C10orf90: variants seen among roughly 807,000 people sequenced by gnomAD.
The protein encoded by C10orf90 is chromosome 10 open reading frame 90.
In C10orf90, 56 loss-of-function variants were observed where a neutral mutation model predicts 62.5. That is an observed-to-expected ratio of 0.90 (90% confidence interval 0.72 to 1.12). The LOEUF (loss-of-function observed/expected upper bound fraction) is 1.12. Among genes scored for constraint, C10orf90 ranks in the 50% most tolerant of loss-of-function variants. C10orf90 has a pLI of 0.00. For synonymous variants in C10orf90, 386 were observed against 340.4 expected, an observed-to-expected ratio of 1.13 and a Z score of -1.47; for missense variants, 970 against 880.4, an observed-to-expected ratio of 1.10 and a Z score of -1.29.
chr10:126,461,618 G>A (rs1564808964), intron 5 of C10orf90, 33 bp from the exon 6 acceptor site: 1 of 1,590,272 alleles, frequency 6.3e-7, no homozygotes, highest in South Asian at 1.2e-5. Flanking sequence ...CCATTTAGAG[G>A]GCACCAAGTG....
intron 2 of C10orf90, among the ~76,000 whole-genome samples, chr10:126,602,433 C>T (rs553629323): frequency 7.9e-5 from 12 of 152,206 alleles, no homozygotes; most frequent in African/African-American, 2.2e-4. Flanking sequence ...GGTAAGAAAC[C>T]CTCCAAGATG....
intron 2 of C10orf90, among the ~76,000 whole-genome samples, chr10:126,600,529 G>A (rs1331543301): frequency 6.6e-6 from 1 of 152,176 alleles, no homozygotes; most frequent in African/African-American, 2.4e-5. Flanking sequence ...CCAACTGCCT[G>A]CAGAGAGTCA....
chr10:126,649,191 C>G (rs555034624), intron 1 of C10orf90, among the ~76,000 whole-genome samples: 152 of 151,954 alleles, frequency 1.0e-3, no homozygotes, highest in African/African-American at 3.5e-3. Flanking sequence ...ACTATTGATT[C>G]AAGAATTTTC....
chr10:126,488,954 C>T (rs925596849), intron 4 of C10orf90, among the ~76,000 whole-genome samples: 1 of 152,038 alleles, frequency 6.6e-6, no homozygotes, highest in Admixed American at 6.5e-5. Flanking sequence ...CTACCAAACA[C>T]TTACAGAAGA....
chr10:126,425,737 TG>T lies in C10orf90; in HGVS notation c.*126del. On this transcript the variant is annotated 3_prime_UTR_variant, in exon 10 of 10. Coordinates refer to ENST00000488181, the MANE Select transcript of C10orf90 (RefSeq NM_001350921.2). ...ATTCAGGAAGTGATGTTTTCCTTTATGGAAAAAAAAAATCGAAAGTAAAATA... is the reference window on the plus strand; with the variant it reads ...ATTCAGGAAGTGATGTTTTCCTTTATGAAAAAAAAAATCGAAAGTAAAATA... The T allele has an allele frequency of 1.0e-6, 1 of 994,396 alleles. No homozygotes were observed. Among genetic ancestry groups the T allele is most frequent in the Non-Finnish European group, 1.4e-6 (1 of 691,406 alleles). The allele number at this position is 994,396 out of a possible 1,614,324, so 61.6% of individuals were successfully genotyped here. A position where few individuals can be genotyped will look rare whatever the true frequency, so the allele number is the denominator to read the frequency against.
intron 2 of C10orf90, among the ~76,000 whole-genome samples, chr10:126,575,932 G>A (rs1332975663): frequency 1.3e-5 from 2 of 151,956 alleles, no homozygotes; most frequent in Admixed American, 6.6e-5. Flanking sequence ...CAAAATAGAT[G>A]AAAGACCTAA....
chr10:126,437,365 A>G (rs1251313112), intron 7 of C10orf90, among the ~76,000 whole-genome samples: 1 of 152,194 alleles, frequency 6.6e-6, no homozygotes, highest in Non-Finnish European at 1.5e-5. Context: ...TACAAATGCA[A>G]ATACTCAGTT....
chr10:126,569,111 G>T (rs895689152), intron 2 of C10orf90, among the ~76,000 whole-genome samples: 1 of 152,124 alleles, frequency 6.6e-6, no homozygotes, highest in Non-Finnish European at 1.5e-5. Flanking sequence ...GGGAGAAAGA[G>T]TCTGGGAGCA....
rs144840697 is a variant in C10orf90 at position 126,503,973 on chromosome 10, G to C, written c.1518C>G (p.Gly506=). 8 of 1,611,252 alleles carry C rather than the reference G, an allele frequency of 5.0e-6. No individual in the cohort carries two copies. Among genetic ancestry groups the C allele is most frequent in the Non-Finnish European group, 6.8e-6 (8 of 1,179,084 alleles). ...ACCACTCACCTGCCCTGTAACTCCA[G>C]CCAGGAATGTGAATGGACAGTTGGT... is the stretch of plus-strand genomic sequence containing the variant. ...HANQLSIHIP[G]WSYRAVHTKV... The change falls in exon 4 of 10, where the codon GGC becomes GGG. Residue 506 remains glycine, a synonymous_variant. Transcript: ENST00000488181.
At chr10:126,538,661 T>C (rs887580249) in intron 2 of C10orf90, among the ~76,000 whole-genome samples, 2 of 152,238 alleles carry the variant, frequency 1.3e-5, no homozygotes, top group African/African-American at 2.4e-5. Context: ...ATTAACCATA[T>C]TTAACGCAGA....
At chr10:126,438,217 C>T (rs1250453869) in intron 7 of C10orf90, among the ~76,000 whole-genome samples, 1 of 152,188 alleles carries the variant, frequency 6.6e-6, no homozygotes, top group Non-Finnish European at 1.5e-5. Context: ...AACCCCAGGA[C>T]CCTCAGCCAT....
Position 126,640,740 on chromosome 10 carries a change from G to A in C10orf90, c.313+5825C>T, listed in dbSNP as rs189339472. 2.6e-5 allele frequency among the ~76,000 whole-genome samples: 4 copies of A among 152,320 alleles called. No individual in the cohort carries two copies. In the East Asian group the frequency reaches 7.8e-4, roughly 30 times the overall value. On this transcript the variant is annotated intron_variant, in intron 2 of 9. Transcript: ENST00000488181. ...AGTCTCTGGACAAGGAGAGAGATAG[G>A]CAAGGGCTGGGTGCAGAGCACTTGC...
intron 4 of C10orf90, among the ~76,000 whole-genome samples, chr10:126,467,983 C>T (rs1860379880): frequency 6.6e-6 from 1 of 152,196 alleles, no homozygotes; most frequent in South Asian, 2.1e-4. Flanking sequence ...GTGGGTTACT[C>T]CACATTCTTT....
intron 7 of C10orf90, among the ~76,000 whole-genome samples, chr10:126,451,388 G>A (rs1010207394): frequency 1.3e-5 from 2 of 151,976 alleles, no homozygotes; most frequent in Admixed American, 6.6e-5. Flanking sequence ...TGTTCGTTGC[G>A]GTATTATTCA....
chr10:126,466,599 T>G (rs1036192739), intron 4 of C10orf90, among the ~76,000 whole-genome samples: 7 of 152,078 alleles, frequency 4.6e-5, no homozygotes, highest in Non-Finnish European at 8.8e-5. Flanking sequence ...GCAAAAAGTC[T>G]GGGGCTAGAG....
chr10:126,618,716 T>C (rs1056142315), intron 2 of C10orf90, among the ~76,000 whole-genome samples: 8 of 152,178 alleles, frequency 5.3e-5, no homozygotes, highest in African/African-American at 9.6e-5. Flanking sequence ...AGTGAGCATA[T>C]TGAGGAATCA....
chr10:126,449,800 G>A (rs546886811), intron 7 of C10orf90, among the ~76,000 whole-genome samples: 3 of 152,062 alleles, frequency 2.0e-5, no homozygotes, highest in South Asian at 2.1e-4. Context: ...AGTTTGAAAC[G>A]AGCCTGGCCA....
intron 1 of C10orf90, among the ~76,000 whole-genome samples, chr10:126,652,890 T>C (rs2133860810): frequency 6.6e-6 from 1 of 152,286 alleles, no homozygotes; most frequent in East Asian, 1.9e-4. Flanking sequence ...TCAGAGATAT[T>C]GGGGGTTCAG....
At chr10:126,577,155 C>T (rs180687263) in intron 2 of C10orf90, among the ~76,000 whole-genome samples, 2 of 151,722 alleles carry the variant, frequency 1.3e-5, no homozygotes, top group South Asian at 2.1e-4. Flanking sequence ...TGAATACTCC[C>T]AGTACAAAGA....
Sources: allele counts gnomAD v4.1 joint callset (sites outside exome capture counted in the v4.1 genomes callset), GRCh38; gene constraint gnomAD v4.1.1; transcripts MANE v1.5; gene names NCBI Gene and HGNC (gene_info 2026-07-23, HGNC 2026-07-21).